The following MCM5 variants were observed in gnomAD, a reference collection of about 807,000 sequenced individuals.
MCM5 encodes DNA replication licensing factor MCM5.
In MCM5, 46 loss-of-function variants were observed where a neutral mutation model predicts 79.9. The observed-to-expected ratio is 0.58, with a 90% CI of 0.45 to 0.74. The LOEUF is 0.74. Among genes scored for constraint, MCM5 ranks in the 30% least tolerant of loss-of-function variants. MCM5 has a pLI of 0.00. For synonymous variants in MCM5, 404 were observed against 390.5 expected (o/e 1.03, Z -0.41); for missense variants, 883 against 1,017.0 (o/e 0.87, Z 1.79).
chr22:35,423,908 G>A lies in MCM5; in HGVS notation c.2104-246G>A, dbSNP rs570917149. The A allele has an allele frequency of 1.0e-5, 5 of 486,786 alleles. No homozygotes were observed. The South Asian group carries it at 1.6e-4, about 15-fold the overall frequency. 30.2% of individuals were successfully genotyped at this position (486,786 alleles called of 1,614,324 possible). A position where few individuals can be genotyped will look rare whatever the true frequency, so the allele number is the denominator to read the frequency against. The stretch of plus-strand genomic sequence containing the variant: ...AGACTGAGGCTTAGAGAAAGGTTTA[G>A]AGCTTCGGTTCTAGAGTCAGATGGG... On this transcript the variant is annotated intron_variant, in intron 16 of 16. Coordinates refer to ENST00000216122, the MANE Select transcript of MCM5 (RefSeq NM_006739.4).
chr22:35,434,441 A>G, the MCM5 span, among the ~76,000 whole-genome samples: 1,303 of 152,230 alleles, frequency 8.6e-3, 11 homozygotes, highest in Non-Finnish European at 0.014. Flanking sequence ...GTATCCATTT[A>G]TCGGTCCCAG....
At chr22:35,423,871 C>G in intron 16 of MCM5, 1 of 386,546 alleles carries the variant, frequency 2.6e-6, no homozygotes, top group Non-Finnish European at 4.6e-6. Context: ...CGTGTCTATT[C>G]TATAGGTGCG....
the MCM5 span, among the ~76,000 whole-genome samples, chr22:35,443,068 C>T: frequency 5.9e-5 from 9 of 152,216 alleles, no homozygotes; most frequent in African/African-American, 2.2e-4. Flanking sequence ...AGCCTGAGGA[C>T]CACACTCTCC....
chr22:35,416,467 G>A (rs539370768), intron 11 of MCM5, 63 bp downstream of exon 11: 1 of 1,562,860 alleles, frequency 6.4e-7, no homozygotes, highest in Non-Finnish European at 8.8e-7. Context: ...CCGTCCTCAG[G>A]CTGCCCTGAT....
chr22:35,421,614 C>T (rs1932698352), intron 15 of MCM5, 154 bp downstream of exon 15: 2 of 976,526 alleles, frequency 2.0e-6, no homozygotes, highest in Admixed American at 3.7e-5. Flanking sequence ...CATAAGACCC[C>T]TCTCCTCCTT....
At chr22:35,401,953 C>G (rs1932067496) in intron 2 of MCM5, 11 of 328,848 alleles carry the variant, frequency 3.3e-5, no homozygotes, top group South Asian at 2.6e-4. Flanking sequence ...GTCCTCACAG[C>G]AAGTGGCTTT....
downstream of MCM5, among the ~76,000 whole-genome samples, chr22:35,429,665 A>C (rs905554347): frequency 4.6e-5 from 7 of 151,976 alleles, no homozygotes; most frequent in African/African-American, 1.7e-4. Flanking sequence ...GCTCCCGAGT[A>C]GCTGGGACTA....
intron 2 of MCM5, chr22:35,401,842 G>A: frequency 2.6e-6 from 1 of 385,594 alleles, no homozygotes; most frequent in Non-Finnish European, 5.2e-6. Context: ...AGTTTTCCGG[G>A]GGGCTGAAGT....
Position 35,423,187 on chromosome 22 carries a change from G to A in MCM5, c.1976-27G>A, listed in dbSNP as rs2307342. 0.011 allele frequency: 16,176 copies of A among 1,531,846 alleles called. 979 individuals are homozygous for A. In the African/African-American group the frequency reaches 0.15, roughly 15 times the overall value. The allele number at this position is 1,531,846 out of a possible 1,614,324, so 94.9% of individuals were successfully genotyped here. On this transcript the variant is annotated intron_variant, in intron 15 of 16. Transcript: ENST00000216122. ...AGAACTCCCATTGTCCCAGCTCCCC[G>A]GCTGCCTCACTTCTCCATGCCCACA...
At chr22:35,423,459 G>T in intron 16 of MCM5, 118 bp downstream of exon 16, 1 of 1,168,492 alleles carries the variant, frequency 8.6e-7, no homozygotes, top group South Asian at 1.8e-5. Flanking sequence ...GGGGTAGGAT[G>T]GACAACTGTC....
chr22:35,420,088 G>T, intron 14 of MCM5, 76 bp downstream of exon 14: 1 of 1,511,312 alleles, frequency 6.6e-7, no homozygotes. Flanking sequence ...GCAACCAGGG[G>T]CAGTGGTCCA....
intron 5 of MCM5, among the ~76,000 whole-genome samples, chr22:35,408,133 A>G (rs891302455): frequency 3.9e-5 from 6 of 152,156 alleles, no homozygotes; most frequent in Non-Finnish European, 2.9e-5. Flanking sequence ...CTGCAAGAAG[A>G]CCGAGTGTGA....
chr22:35,401,683 C>T (rs1569062541), intron 2 of MCM5: 1 of 471,170 alleles, frequency 2.1e-6, no homozygotes, highest in Non-Finnish European at 4.4e-6. Flanking sequence ...TATTGCCCAC[C>T]TGTGTGCCAG....
At chr22:35,409,731 T>C (rs1932322179) in intron 6 of MCM5, 1 of 152,220 alleles carries the variant, frequency 6.6e-6, no homozygotes, top group Non-Finnish European at 1.5e-5. Context: ...GGAGAGCGGA[T>C]CTGTAGCTTC....
At chr22:35,409,994 G>T (rs1932329088) in intron 6 of MCM5, 1 of 152,492 alleles carries the variant, frequency 6.6e-6, no homozygotes, top group African/African-American at 2.4e-5. Context: ...GGTATGGGAA[G>T]AGGGGAGTTG....
the MCM5 span, among the ~76,000 whole-genome samples, chr22:35,453,819 T>TATATATATATATATATATATAGAGAG: frequency 1.2e-5 from 1 of 81,532 alleles, no homozygotes; most frequent in East Asian, 3.4e-4. Context: ...TATATATATA[T>TATATATATATATATATATATAGAGAG]AGAGAGAGAG....
downstream of MCM5, among the ~76,000 whole-genome samples, chr22:35,428,022 T>TC (rs373533593): frequency 2.6e-3 from 167 of 63,428 alleles, 1 homozygote; most frequent in Middle Eastern, 0.019. Flanking sequence ...TCTCTCTCTC[T>TC]TTTTTTTTTT....
intron 2 of MCM5, 84 bp from the exon 3 acceptor site, chr22:35,403,123 C>G: frequency 6.5e-7 from 1 of 1,532,994 alleles, no homozygotes; most frequent in Non-Finnish European, 8.9e-7. Flanking sequence ...TGGGCAGATT[C>G]AGGGGTGCAG....
the MCM5 span, among the ~76,000 whole-genome samples, chr22:35,430,478 A>C: frequency 8.7e-5 from 13 of 149,430 alleles, no homozygotes; most frequent in Non-Finnish European, 1.8e-4. Context: ...TTGGGCCTGG[A>C]GCCCCAAAAC....
Sources: gnomAD v4.1 joint callset for allele counts (sites outside exome capture counted in the v4.1 genomes callset) on GRCh38, gnomAD v4.1.1 for gene constraint, MANE v1.5 for transcripts, NCBI Gene and HGNC (gene_info 2026-07-23, HGNC 2026-07-21) for gene names.